Variants in WAC observed in about 807,000 individuals in gnomAD.
The protein encoded by WAC is WW domain-containing adapter protein with coiled-coil.
WAC carries 11 observed loss-of-function variants against 79.6 expected under a neutral mutation model. The observed-to-expected ratio is 0.14, with a 90% CI of 0.09 to 0.23. The LOEUF is 0.23. Among genes scored for constraint, WAC ranks in the 10% least tolerant of loss-of-function variants. The pLI, the probability that WAC is intolerant of heterozygous loss-of-function variation, is 1.00. For missense variants in WAC, 728 were observed against 773.5 expected (o/e 0.94, Z 0.70); for synonymous variants, 304 against 276.9 (o/e 1.10, Z -0.97).
intron 3 of WAC, among the ~76,000 whole-genome samples, chr10:28,546,462 T>C (rs550587187): frequency 6.6e-6 from 1 of 152,328 alleles, no homozygotes; most frequent in Non-Finnish European, 1.5e-5. Flanking sequence ...TCTGTGGTTA[T>C]TGGGGCTGGT....
chr10:28,551,924 A>G (rs1837702492), intron 3 of WAC, among the ~76,000 whole-genome samples: 2 of 151,018 alleles, frequency 1.3e-5, no homozygotes, highest in South Asian at 4.2e-4. Context: ...TCCTGAGTTC[A>G]AATGATTCTC....
intron 3 of WAC, among the ~76,000 whole-genome samples, chr10:28,551,390 G>C (rs1837660409): frequency 6.6e-6 from 1 of 152,192 alleles, no homozygotes; most frequent in Non-Finnish European, 1.5e-5. Context: ...TCTTGAGCTT[G>C]TGCATTTTGA....
intron 3 of WAC, among the ~76,000 whole-genome samples, chr10:28,550,767 G>T (rs944444511): frequency 6.6e-6 from 1 of 152,088 alleles, no homozygotes; most frequent in Non-Finnish European, 1.5e-5. Flanking sequence ...GAAGCAAATA[G>T]TCTATTCAGG....
intron 3 of WAC, among the ~76,000 whole-genome samples, chr10:28,570,976 A>C (rs1838926691): frequency 2.3e-5 from 1 of 42,662 alleles, no homozygotes; most frequent in Non-Finnish European, 4.8e-5. Context: ...TTTTTTTTTG[A>C]GTTGGAGTCT....
rs1841462363 is a variant in WAC, at chr10:28,616,258, T to C, written c.1642T>C (p.Ser548Pro). The change falls in exon 12 of 14, where the codon TCT (serine) becomes CCT (proline). Residue 548 changes from serine (S) to proline (P), a missense_variant. This residue lies in a region of WAC where 648 missense variants were observed against 661.5 expected (regional missense o/e 0.98). Coordinates refer to ENST00000354911, the MANE Select transcript of WAC (RefSeq NM_016628.5). The stretch of plus-strand genomic sequence containing the variant: ...TGCAACAGTTGTACCACAGAATTCT[T>C]CTGCCCGATCCACGTGTTCATTAAC... ...SNATVVPQNSSARSTCSLTPA... is the reference protein window; with the variant it reads ...SNATVVPQNSPARSTCSLTPA... 5 of 1,614,088 alleles carry C rather than the reference T, an allele frequency of 3.1e-6. No individual in the cohort carries two copies. The highest frequency in any genetic ancestry group is 4.2e-6 in the Non-Finnish European group (5 of 1,179,968).
intron 3 of WAC, among the ~76,000 whole-genome samples, chr10:28,572,455 C>T (rs1839025980): frequency 6.6e-6 from 1 of 151,562 alleles, no homozygotes; most frequent in African/African-American, 2.4e-5. Flanking sequence ...AGAAATCAAA[C>T]ATGACCAAGA....
intron 11 of WAC, 195 bp downstream of exon 11, chr10:28,614,880 CCGGGTT>C: frequency 2.5e-6 from 1 of 402,348 alleles, no homozygotes; most frequent in Non-Finnish European, 4.4e-6. Context: ...GTAGTGAAGC[CCGGGTT>C]ATTTTGAAGA....
At chr10:28,548,435 T>C (rs1466636331) in intron 3 of WAC, among the ~76,000 whole-genome samples, 3 of 152,168 alleles carry the variant, frequency 2.0e-5, no homozygotes, top group Admixed American at 6.5e-5. Context: ...AGTAGTTAGA[T>C]AATTTTTAAG....
chr10:28,609,227 T>C (rs1332878092), intron 8 of WAC, among the ~76,000 whole-genome samples: 1 of 152,176 alleles, frequency 6.6e-6, no homozygotes. Context: ...CCAGGCGTGA[T>C]GGCACATGCC....
intron 3 of WAC, among the ~76,000 whole-genome samples, chr10:28,581,558 GTTT>G (rs1839537462): frequency 6.6e-6 from 1 of 151,850 alleles, no homozygotes; most frequent in Non-Finnish European, 1.5e-5. Flanking sequence ...TTGTTTGTTT[GTTT>G]GTTTGTTTTT....
At chr10:28,609,165 C>CA (rs552005912) in intron 8 of WAC, among the ~76,000 whole-genome samples, 233 of 152,238 alleles carry the variant, frequency 1.5e-3, no homozygotes, top group Non-Finnish European at 2.8e-3. Flanking sequence ...AGTTTGAAAC[C>CA]AGCCTGACCA....
chr10:28,595,585 A>C, intron 6 of WAC, 148 bp from the exon 7 acceptor site: 1 of 745,258 alleles, frequency 1.3e-6, no homozygotes, highest in Non-Finnish European at 2.1e-6. Flanking sequence ...AACTGCAGAC[A>C]CTAACTGGGT....
intron 2 of WAC, 110 bp downstream of exon 2, chr10:28,534,144 C>T (rs1456459829): frequency 2.8e-6 from 3 of 1,062,216 alleles, no homozygotes; most frequent in Non-Finnish European, 4.0e-6. Flanking sequence ...CGGTGCAACA[C>T]ATCTGAAACT....
At chr10:28,542,470 C>A (rs949847653) in intron 3 of WAC, among the ~76,000 whole-genome samples, 4 of 152,120 alleles carry the variant, frequency 2.6e-5, no homozygotes, top group African/African-American at 9.7e-5. Context: ...AGATAGGAAC[C>A]TAATAAAAAT....
At chr10:28,552,751 G>A (rs892716894) in intron 3 of WAC, among the ~76,000 whole-genome samples, 9 of 150,216 alleles carry the variant, frequency 6.0e-5, no homozygotes, top group African/African-American at 2.0e-4. Context: ...ATTAAAATGA[G>A]AAAAAAAGAG....
Position 28,549,994 on chromosome 10 carries a change from A to G in WAC, c.274+14237A>G, listed in dbSNP as rs369888810. On this transcript the variant is annotated intron_variant, in intron 3 of 13. Coordinates refer to ENST00000354911, the MANE Select transcript of WAC (RefSeq NM_016628.5). ...CCAGGCCAAACATGGTTGAAACCCT[A>G]TCTCTACTAAAAATACAAAAAGTTA... Among the ~76,000 whole-genome samples, 26 of 152,156 alleles carry G rather than the reference A, an allele frequency of 1.7e-4. No individual in the cohort carries two copies. The South Asian group carries it at 3.7e-3, about 22-fold the overall frequency.
intron 3 of WAC, among the ~76,000 whole-genome samples, chr10:28,540,149 AAAGT>A (rs369206863): frequency 2.2e-4 from 33 of 152,350 alleles, no homozygotes; most frequent in African/African-American, 7.5e-4. Context: ...TGTTGTATAG[AAAGT>A]AAGTATACAA....
chr10:28,621,327 A>AT lies in WAC; in HGVS notation c.*1722dup, dbSNP rs1841684905. 6.6e-6 allele frequency: 1 copy of AT among 150,582 alleles called. No homozygotes were observed. Among genetic ancestry groups the AT allele is most frequent in the African/African-American group, 2.4e-5 (1 of 40,840 alleles). The allele number at this position is 150,582 out of a possible 1,614,324, so 9.3% of individuals were successfully genotyped here. A position where few individuals can be genotyped will look rare whatever the true frequency, so the allele number is the denominator to read the frequency against. On this transcript the variant is annotated 3_prime_UTR_variant, in exon 14 of 14. Coordinates refer to ENST00000354911, the MANE Select transcript of WAC (RefSeq NM_016628.5). ...AATGTCAATGTTACTACATTCTCGG[A>AT]TGCTAACATAAATTTTGAAATTGCT...
chr10:28,564,740 A>G (rs1489096759), intron 3 of WAC, among the ~76,000 whole-genome samples: 1 of 152,352 alleles, frequency 6.6e-6, no homozygotes, highest in African/African-American at 2.4e-5. Context: ...TATACCCTTC[A>G]TCCAGTTTGC....
Sources: allele counts gnomAD v4.1 joint callset (sites outside exome capture counted in the v4.1 genomes callset), GRCh38; gene constraint gnomAD v4.1.1; regional missense constraint gnomAD v4.1.1; transcripts MANE v1.5; gene names NCBI Gene and HGNC (gene_info 2026-07-23, HGNC 2026-07-21).